The following INSC variants were observed in gnomAD, a reference collection of about 807,000 sequenced individuals.
INSC encodes INSC spindle orientation adaptor protein.
A neutral mutation model predicts 58.6 loss-of-function variants in INSC; 67 were observed. The ratio of observed to expected loss-of-function variants is 1.14; its 90% confidence interval spans 0.94 to 1.40. The LOEUF is 1.40. Ranked by LOEUF, INSC falls within the 40% of genes most tolerant of loss-of-function variation. The pLI is 0.00. For missense variants in INSC, 714 were observed against 692.0 expected, an observed-to-expected ratio of 1.03 and a Z score of -0.36; for synonymous variants, 262 against 276.1, an observed-to-expected ratio of 0.95 and a Z score of 0.51.
At chr11:15,208,453 C>T (rs538305549) in intron 7 of INSC, among the ~76,000 whole-genome samples, 162 of 152,318 alleles carry the variant, frequency 1.1e-3, no homozygotes, top group Non-Finnish European at 1.8e-3. Context: ...TGAGCCTTCT[C>T]AGAGGGACTG....
At chr11:15,174,366 T>G (rs561522746) in intron 2 of INSC, among the ~76,000 whole-genome samples, 3 of 152,328 alleles carry the variant, frequency 2.0e-5, no homozygotes, top group African/African-American at 7.2e-5. Context: ...TTTTTTCTGT[T>G]CTCTTTTCCT....
At chr11:15,159,681 T>C (rs547977887) in intron 2 of INSC, among the ~76,000 whole-genome samples, 1 of 152,350 alleles carries the variant, frequency 6.6e-6, no homozygotes, top group African/African-American at 2.4e-5. Context: ...AGAGCCAAAC[T>C]TTGCCACTTG....
chr11:15,158,436 C>A (rs1848893507), intron 2 of INSC, among the ~76,000 whole-genome samples: 1 of 152,014 alleles, frequency 6.6e-6, no homozygotes, highest in Admixed American at 6.6e-5. Context: ...TACATGGTGT[C>A]TCCCCTATGT....
chr11:15,138,027 G>A (rs1848286442), intron 1 of INSC, among the ~76,000 whole-genome samples: 1 of 152,078 alleles, frequency 6.6e-6, no homozygotes, highest in Non-Finnish European at 1.5e-5. Flanking sequence ...TTTGTAACTG[G>A]CCAGATTTTA....
At chr11:15,192,699 G>A (rs1271759988) in intron 6 of INSC, among the ~76,000 whole-genome samples, 1 of 152,160 alleles carries the variant, frequency 6.6e-6, no homozygotes, top group Non-Finnish European at 1.5e-5. Flanking sequence ...GGGCTGTTGA[G>A]TATCCAATGG....
intron 2 of INSC, among the ~76,000 whole-genome samples, chr11:15,171,104 G>A (rs186102156): frequency 2.0e-4 from 31 of 152,312 alleles, no homozygotes; most frequent in African/African-American, 7.2e-4. Flanking sequence ...ATCTGAGCAG[G>A]CCTCCCAGGG....
chr11:15,166,650 C>T (rs1277050056), intron 2 of INSC, among the ~76,000 whole-genome samples: 1 of 152,190 alleles, frequency 6.6e-6, no homozygotes, highest in South Asian at 2.1e-4. Flanking sequence ...AATAATCTGG[C>T]TTGGCAAGGC....
chr11:15,245,975 T>C lies in INSC; in HGVS notation c.1534T>C (p.Leu512=), dbSNP rs1340337463. ...EGLQDSDFQQ[L]VQPRLVDSFL... ...CCTCCAGGACTCTGACTTTCAGCAG[T>C]TGGTCCAGCCTCGGCTGGTGGACTC... Residue 512 remains leucine (L), a synonymous_variant, in exon 13 of 13, where the codon TTG becomes CTG. Coordinates refer to ENST00000379556, the MANE Select transcript of INSC (RefSeq NM_001042536.3). The C allele has an allele frequency of 1.2e-6, 2 of 1,614,080 alleles. No individual in the cohort carries two copies. The highest frequency in any genetic ancestry group is 2.2e-5 in the East Asian group (1 of 44,894).
chr11:15,229,987 A>ATATATATATAT (rs1851829857), intron 9 of INSC, among the ~76,000 whole-genome samples: 2 of 31,868 alleles, frequency 6.3e-5, no homozygotes, highest in Non-Finnish European at 1.0e-4. Context: ...TATTATATAT[A>ATATATATATAT]TATATATATA....
chr11:15,118,880 C>T (rs1023526077), intron 1 of INSC, among the ~76,000 whole-genome samples: 24 of 152,248 alleles, frequency 1.6e-4, no homozygotes, highest in Middle Eastern at 6.8e-3. Context: ...TAGGCTCTTT[C>T]CATCTTTTGT....
chr11:15,222,296 T>G (rs1748730847), intron 8 of INSC, among the ~76,000 whole-genome samples: 1 of 148,866 alleles, frequency 6.7e-6, no homozygotes. Flanking sequence ...GGGAATTTTT[T>G]GTGACCCACC....
intron 6 of INSC, among the ~76,000 whole-genome samples, chr11:15,193,701 T>A (rs1590430512): frequency 6.6e-6 from 1 of 152,254 alleles, no homozygotes; most frequent in Non-Finnish European, 1.5e-5. Context: ...CTGATGGACA[T>A]TTGGGTTGGT....
chr11:15,260,113 C>G, the INSC span, among the ~76,000 whole-genome samples: 1 of 152,164 alleles, frequency 6.6e-6, no homozygotes, highest in African/African-American at 2.4e-5. Flanking sequence ...CCCAACCCAG[C>G]CTGCCTGAGG....
Position 15,139,575 on chromosome 11 carries a change from TC to T in INSC, c.-45-9554del. Among the ~76,000 whole-genome samples the T allele has an allele frequency of 2.0e-5, 3 of 152,290 alleles. No individual in the cohort carries two copies. The South Asian group carries it at 6.2e-4, about 32-fold the overall frequency. ...CTCACCAGAAGAGAGGTGGAACCAG[TC>T]TTTAGATCAACACCTACTGTGTGCC... is the stretch of plus-strand genomic sequence containing the variant. On this transcript the variant is annotated intron_variant, in intron 1 of 12. Coordinates refer to ENST00000379556, the MANE Select transcript of INSC (RefSeq NM_001042536.3).
chr11:15,115,793 G>T (rs1276435709), intron 1 of INSC, among the ~76,000 whole-genome samples: 2 of 152,210 alleles, frequency 1.3e-5, no homozygotes, highest in Non-Finnish European at 2.9e-5. Context: ...GGATAGCCAT[G>T]CAACCATTCA....
At chr11:15,162,310 C>T (rs1849046431) in intron 2 of INSC, among the ~76,000 whole-genome samples, 1 of 152,164 alleles carries the variant, frequency 6.6e-6, no homozygotes, top group African/African-American at 2.4e-5. Context: ...TACTGTGTCT[C>T]AAACAAAGCA....
chr11:15,175,220 G>A (rs1477982980), intron 2 of INSC, among the ~76,000 whole-genome samples: 1 of 152,038 alleles, frequency 6.6e-6, no homozygotes, highest in Non-Finnish European at 1.5e-5. Flanking sequence ...TAATAATTGT[G>A]TGTTTACATT....
chr11:15,133,533 G>A (rs1848171885), intron 1 of INSC, among the ~76,000 whole-genome samples: 1 of 152,198 alleles, frequency 6.6e-6, no homozygotes, highest in African/African-American at 2.4e-5. Context: ...TGTTGACAAT[G>A]TTGACATAGA....
chr11:15,235,521 C>A, intron 9 of INSC, 81 bp from the exon 10 acceptor site: 2 of 1,044,018 alleles, frequency 1.9e-6, no homozygotes, highest in Non-Finnish European at 3.0e-6. Flanking sequence ...AGCTTTGTAG[C>A]CCCTGGCTGA....
Sources: gnomAD v4.1 joint callset for allele counts (sites outside exome capture counted in the v4.1 genomes callset) on GRCh38, gnomAD v4.1.1 for gene constraint, MANE v1.5 for transcripts, NCBI Gene and HGNC (gene_info 2026-07-23, HGNC 2026-07-21) for gene names.